The following HEY2 variants were observed in gnomAD, a reference collection of about 807,000 sequenced individuals.
HEY2 encodes hairy/enhancer-of-split related with YRPW motif protein 2.
A neutral mutation model predicts 18.1 loss-of-function variants in HEY2; 10 were observed. The observed-to-expected ratio is 0.55, with a 90% CI of 0.34 to 0.94. HEY2 has a LOEUF of 0.94. HEY2 is among the 40% of genes least tolerant of loss of function. HEY2 has a pLI of 0.02. For missense variants in HEY2, 455 were observed against 455.9 expected (o/e 1.00, Z 0.02); for synonymous variants, 210 against 182.7 (o/e 1.15, Z -1.21).
chr6:125,750,415 C>T (rs1392309994), intron 1 of HEY2: 1 of 984,908 alleles, frequency 1.0e-6, no homozygotes, highest in East Asian at 1.1e-4. Context: ...ATTTCTTTGA[C>T]TGCTTGTTCT....
chr6:125,751,721 A>G lies in HEY2; in HGVS notation c.84-80A>G, dbSNP rs562908363. The G allele has an allele frequency of 4.5e-6, 4 of 896,072 alleles. No individual in the cohort carries two copies. The East Asian group carries it at 9.7e-5, about 22-fold the overall frequency. The allele number at this position is 896,072 out of a possible 1,614,324, so 55.5% of individuals were successfully genotyped here. A position where few individuals can be genotyped will look rare whatever the true frequency, so the allele number is the denominator to read the frequency against. ...CTTGAACTGTGCAATCACTCTGAATATTTAATGGGTGCCACAAGTACCCAG... is the reference window on the plus strand; with the variant it reads ...CTTGAACTGTGCAATCACTCTGAATGTTTAATGGGTGCCACAAGTACCCAG... On this transcript the variant is annotated intron_variant, in intron 1 of 4. Coordinates refer to ENST00000368364, the MANE Select transcript of HEY2 (RefSeq NM_012259.3).
rs2243357 is a variant in HEY2 at position 125,754,563 on chromosome 6, ATT to A, written c.328+31_328+32del. On this transcript the variant is annotated intron_variant, in intron 4 of 4. Coordinates refer to ENST00000368364, the MANE Select transcript of HEY2 (RefSeq NM_012259.3). ...GGGGTAAAGGTAAGTAGATGACTTC[ATT>A]TTTTTTTTTTTTTGCCTTTTTTACC... 0.17 allele frequency: 179,527 copies of A among 1,072,234 alleles called. 3,359 individuals carry two copies. Among genetic ancestry groups the A allele is most frequent in the African/African-American group, 0.26 (15,496 of 60,324 alleles). The allele number at this position is 1,072,234 out of a possible 1,614,324, so 66.4% of individuals were successfully genotyped here. A position where few individuals can be genotyped will look rare whatever the true frequency, so the allele number is the denominator to read the frequency against.
rs749036945 is a variant in HEY2, at chr6:125,759,277, G to A, written c.489G>A (p.Gln163=). The A allele has an allele frequency of 6.2e-6, 10 of 1,606,450 alleles. No individual in the cohort carries two copies. Among genetic ancestry groups the A allele is most frequent in the Middle Eastern group, 1.7e-4 (1 of 6,060 alleles). Residue 163 remains glutamine, a synonymous_variant, in exon 5 of 5, where the codon CAG becomes CAA. Coordinates refer to ENST00000368364, the MANE Select transcript of HEY2 (RefSeq NM_012259.3). ...LVSHLSTCAT[Q]REAAAMTSSM... is the part of the protein sequence containing the mutation. ...CTCATCTCAGCACTTGCGCCACCCA[G>A]CGGGAGGCGGCGGCCATGACATCCT...
Position 125,751,872 on chromosome 6 carries a change from GGA to G in HEY2, c.159_160del (p.Gly54AspfsTer12). Reference sequence around the variant, plus strand: ...TCTCAGATTATGGCAAGAAAGAAAAGGAGAGGGGTATGTGATTTTTCCCCCTT... The same window carrying G: ...TCTCAGATTATGGCAAGAAAGAAAAGGAGGGGTATGTGATTTTTCCCCCTT... On this transcript the variant is annotated frameshift_variant, in exon 2 of 5. Transcript: ENST00000368364. LOFTEE classifies it high-confidence loss of function. 1.2e-6 allele frequency: 2 copies of G among 1,612,230 alleles called. No individual in the cohort carries two copies. The highest frequency in any genetic ancestry group is 1.7e-6 in the Non-Finnish European group (2 of 1,178,390).
intron 4 of HEY2, among the ~76,000 whole-genome samples, chr6:125,758,073 A>G (rs1170878611): frequency 2.0e-5 from 3 of 152,258 alleles, no homozygotes; most frequent in Non-Finnish European, 4.4e-5. Context: ...AAAGTTGTAA[A>G]TGAAAAATAA....
rs781027590 is a variant in HEY2 at position 125,749,821 on chromosome 6, C to G, written c.45C>G (p.Asp15Glu). The change falls in exon 1 of 5, where the codon GAC (aspartate) becomes GAG (glutamate). Residue 15 changes from aspartate (D) to glutamate (E), a missense_variant. Coordinates refer to ENST00000368364, the MANE Select transcript of HEY2 (RefSeq NM_012259.3). ...AGACGACCTCCGAGAGCGACATGGA[C>G]GAGACCATCGACGTGGGGAGCGAGA... ...CEETTSESDM[D>E]ETIDVGSENN... 5.0e-6 allele frequency: 8 copies of G among 1,585,986 alleles called. No homozygotes were observed. In the Admixed American group the frequency reaches 1.2e-4, roughly 25 times the overall value.
Position 125,752,240 on chromosome 6 carries a change from C to T in HEY2, c.246+150C>T. The T allele has an allele frequency of 8.5e-6, 5 of 586,254 alleles. No individual in the cohort carries two copies. The East Asian group carries it at 1.4e-4, about 16-fold the overall frequency. 36.3% of individuals were successfully genotyped at this position (586,254 alleles called of 1,614,324 possible). ...GTATGTGCCCTGATCTGGCACAGAG[C>T]AGCTATTTCAATAAAATGCTTTGTT... On this transcript the variant is annotated intron_variant, in intron 3 of 4. Coordinates refer to ENST00000368364, the MANE Select transcript of HEY2 (RefSeq NM_012259.3).
chr6:125,750,079 G>C (rs1283334953), intron 1 of HEY2, among the ~76,000 whole-genome samples: 1 of 152,188 alleles, frequency 6.6e-6, no homozygotes, highest in African/African-American at 2.4e-5. Context: ...AGCCAGGATG[G>C]GAGACGCCAC....
At chr6:125,753,709 A>G (rs1773596305) in intron 3 of HEY2, among the ~76,000 whole-genome samples, 1 of 152,198 alleles carries the variant, frequency 6.6e-6, no homozygotes, top group Admixed American at 6.5e-5. Flanking sequence ...AAGCAGGGAC[A>G]TAAAAATATA....
intron 4 of HEY2, among the ~76,000 whole-genome samples, chr6:125,756,220 C>T (rs1216712914): frequency 6.6e-6 from 1 of 152,182 alleles, no homozygotes; most frequent in African/African-American, 2.4e-5. Context: ...CCATACACGT[C>T]ACCTGACTGT....
intron 4 of HEY2, among the ~76,000 whole-genome samples, chr6:125,756,787 G>A (rs1023812807): frequency 6.6e-6 from 1 of 152,162 alleles, no homozygotes; most frequent in Non-Finnish European, 1.5e-5. Context: ...GAGGACAGTT[G>A]TAGTGTCCAT....
chr6:125,759,532 C>T lies in HEY2; in HGVS notation c.744C>T (p.Pro248=). ...LRMPSTGSVA[P]CVPPLSTSLL... ...TGCCATCCACGGGCAGCGTCGCCCCCTGCGTGCCACCTCTCTCCACCTCTC... is the reference window on the plus strand; with the variant it reads ...TGCCATCCACGGGCAGCGTCGCCCCTTGCGTGCCACCTCTCTCCACCTCTC... Residue 248 remains proline (P), a synonymous_variant, in exon 5 of 5, where the codon CCC becomes CCT. Coordinates refer to ENST00000368364, the MANE Select transcript of HEY2 (RefSeq NM_012259.3). The T allele has an allele frequency of 6.2e-7, 1 of 1,611,142 alleles. No homozygotes were observed. The highest frequency in any genetic ancestry group is 8.5e-7 in the Non-Finnish European group (1 of 1,179,950).
Position 125,759,607 on chromosome 6 carries a change from G to A in HEY2, c.819G>A (p.Ala273=), listed in dbSNP as rs34745209. The A allele has an allele frequency of 2.3e-4, 369 of 1,610,596 alleles. 1 individual carries two copies. The African/African-American group carries it at 3.1e-3, about 14-fold the overall frequency. The part of the protein sequence containing the change: ...TVHAAAAAAT[A]AAHSFPLSFA... ...ACGCCGCAGCCGCAGCAGCCACCGC[G>A]GCTGCACACAGCTTCCCTCTGTCCT... The change falls in exon 5 of 5, where the codon GCG becomes GCA. Residue 273 remains alanine, a synonymous_variant. Transcript: ENST00000368364.
chr6:125,750,554 C>T (rs1773524924), intron 1 of HEY2, among the ~76,000 whole-genome samples: 1 of 152,200 alleles, frequency 6.6e-6, no homozygotes. Context: ...TTGGCATCCC[C>T]AGAAGCACCT....
rs1181454842 is a variant in HEY2, at chr6:125,758,367, T to C, written c.329-750T>C. Reference sequence around the variant, plus strand: ...TATGCTAGAAAAATGTAAGGACATATATTTGAACTTCAGATAAACTAGGCG... The same window carrying C: ...TATGCTAGAAAAATGTAAGGACATACATTTGAACTTCAGATAAACTAGGCG... On this transcript the variant is annotated intron_variant, in intron 4 of 4. Transcript: ENST00000368364. Among the ~76,000 whole-genome samples, 3 of 152,200 alleles carry C rather than the reference T, an allele frequency of 2.0e-5. No individual in the cohort carries two copies. In the East Asian group the frequency reaches 5.8e-4, roughly 29 times the overall value.
intron 1 of HEY2, among the ~76,000 whole-genome samples, chr6:125,751,591 T>A (rs1318244642): frequency 8.5e-5 from 13 of 152,218 alleles, no homozygotes; most frequent in Non-Finnish European, 1.0e-4. Flanking sequence ...TGGGTTAGCA[T>A]CTGGATTACA....
At chr6:125,752,987 G>A (rs556514325) in intron 3 of HEY2, among the ~76,000 whole-genome samples, 1 of 152,338 alleles carries the variant, frequency 6.6e-6, no homozygotes, top group Admixed American at 6.5e-5. Context: ...TCCAGAAAGT[G>A]CAGTTTCAAT....
At chr6:125,750,242 T>A (rs1773515911) in intron 1 of HEY2, 1 of 984,700 alleles carries the variant, frequency 1.0e-6, no homozygotes, top group Non-Finnish European at 1.2e-6. Context: ...TAAAAACAAT[T>A]TGATTTTTGA....
At position 125,759,374 on chromosome 6, in the gene HEY2, C is replaced by T. The variant is rs1773738471; in HGVS notation, c.586C>T (p.Leu196=). 1 of 1,607,460 alleles carries T rather than the reference C, an allele frequency of 6.2e-7. No individual in the cohort carries two copies. Among genetic ancestry groups the T allele is most frequent in the Non-Finnish European group, 8.5e-7 (1 of 1,177,768 alleles). The part of the protein sequence containing the change: ...AAAFHHLPAA[L]LQPNGLHASE... ...CGCCTTCCACCACCTGCCCGCAGCC[C>T]TGCTCCAGCCCAACGGCCTCCATGC... The change falls in exon 5 of 5, where the codon CTG becomes TTG. Residue 196 remains leucine, a synonymous_variant. Transcript: ENST00000368364.
Sources: allele counts gnomAD v4.1 joint callset (sites outside exome capture counted in the v4.1 genomes callset), GRCh38; gene constraint gnomAD v4.1.1; transcripts MANE v1.5; gene names NCBI Gene and HGNC (gene_info 2026-07-23, HGNC 2026-07-21).